CBFA2T2: variants seen among roughly 807,000 people sequenced by gnomAD.
The protein encoded by CBFA2T2 is CBFA2/RUNX1 partner transcriptional co-repressor 2, also known as protein CBFA2T2.
Under a neutral mutation model 62.2 loss-of-function variants are expected in CBFA2T2, and 11 were observed. The ratio of observed to expected loss-of-function variants is 0.18; its 90% CI spans 0.11 to 0.29. The LOEUF (loss-of-function observed/expected upper bound fraction) is 0.29. Ranked by LOEUF, CBFA2T2 falls within the 10% of genes least tolerant of loss-of-function variation. The pLI is 1.00. For missense variants in CBFA2T2, 592 were observed against 774.1 expected, an observed-to-expected ratio of 0.76 and a Z score of 2.79; for synonymous variants, 295 against 287.5, an observed-to-expected ratio of 1.03 and a Z score of -0.27.
At chr20:33,632,743 G>T (rs556527038) in intron 8 of CBFA2T2, among the ~76,000 whole-genome samples, 2 of 151,602 alleles carry the variant, frequency 1.3e-5, no homozygotes, top group South Asian at 4.2e-4. Context: ...CACCGTGCCC[G>T]GCCTCACCAG....
chr20:33,564,927 C>CT (rs2013241934), intron 1 of CBFA2T2, among the ~76,000 whole-genome samples: 1 of 151,816 alleles, frequency 6.6e-6, no homozygotes, highest in Non-Finnish European at 1.5e-5. Flanking sequence ...CTTTTCTTTT[C>CT]TTTTCTTTTT....
intron 1 of CBFA2T2, among the ~76,000 whole-genome samples, chr20:33,575,268 T>G (rs1056331679): frequency 6.6e-5 from 10 of 152,240 alleles, no homozygotes; most frequent in Non-Finnish European, 1.5e-4. Flanking sequence ...TGGTTTTTCT[T>G]GATGCCTTAA....
chr20:33,527,666 C>T (rs958690279), intron 1 of CBFA2T2, among the ~76,000 whole-genome samples: 1 of 152,024 alleles, frequency 6.6e-6, no homozygotes. Context: ...AGCCACCTCA[C>T]CCAGCCCTAA....
chr20:33,596,239 CAGTTA>C (rs137938928), intron 1 of CBFA2T2, among the ~76,000 whole-genome samples: 2,582 of 152,296 alleles, frequency 0.017, 202 homozygotes, highest in Admixed American at 0.14. Flanking sequence ...GTATCTGTCT[CAGTTA>C]AGTTCTGGGG....
chr20:33,602,249 C>G (rs980125634), intron 1 of CBFA2T2, among the ~76,000 whole-genome samples: 7 of 152,048 alleles, frequency 4.6e-5, no homozygotes, highest in African/African-American at 1.7e-4. Flanking sequence ...ATAAAGAAAA[C>G]CACTGTCACA....
At chr20:33,536,816 C>G (rs574042886) in intron 1 of CBFA2T2, among the ~76,000 whole-genome samples, 1 of 148,390 alleles carries the variant, frequency 6.7e-6, no homozygotes, top group Non-Finnish European at 1.5e-5. Flanking sequence ...GGATGGCGGC[C>G]GGGAAGAGGC....
At chr20:33,527,042 C>T (rs1018956241) in intron 1 of CBFA2T2, among the ~76,000 whole-genome samples, 3 of 152,192 alleles carry the variant, frequency 2.0e-5, no homozygotes, top group Admixed American at 6.5e-5. Context: ...ACTTTTGTTC[C>T]AGTCCTCAGC....
intron 10 of CBFA2T2, among the ~76,000 whole-genome samples, chr20:33,642,110 T>TGTGTG: frequency 1.3e-5 from 1 of 77,054 alleles, no homozygotes; most frequent in East Asian, 2.7e-4. Context: ...TTTGTCTTTT[T>TGTGTG]TTTTTTTGTG....
intron 1 of CBFA2T2, among the ~76,000 whole-genome samples, chr20:33,533,342 G>T (rs552563057): frequency 3.2e-4 from 49 of 152,250 alleles, no homozygotes; most frequent in Middle Eastern, 3.4e-3. Flanking sequence ...AGTCACTATA[G>T]ATTAGTGTGC....
intron 1 of CBFA2T2, among the ~76,000 whole-genome samples, chr20:33,568,686 T>C (rs761168502): frequency 6.6e-6 from 1 of 152,158 alleles, no homozygotes; most frequent in Non-Finnish European, 1.5e-5. Flanking sequence ...GAAATTAGCA[T>C]TAAAAACCCA....
chr20:33,547,766 G>A (rs902684620), intron 1 of CBFA2T2, among the ~76,000 whole-genome samples: 1 of 150,976 alleles, frequency 6.6e-6, no homozygotes, highest in African/African-American at 2.4e-5. Context: ...AGAAAATTAG[G>A]TGTATATTAT....
intron 1 of CBFA2T2, among the ~76,000 whole-genome samples, chr20:33,493,754 C>T (rs2011166729): frequency 6.9e-6 from 1 of 145,450 alleles, no homozygotes. Flanking sequence ...CCTCCTGCCT[C>T]AGCTTCCCGG....
chr20:33,569,626 G>A (rs1031976046), intron 1 of CBFA2T2, among the ~76,000 whole-genome samples: 3 of 152,184 alleles, frequency 2.0e-5, no homozygotes, highest in Admixed American at 2.0e-4. Flanking sequence ...TATTCTGGTA[G>A]CCTTTACAAG....
intron 2 of CBFA2T2, among the ~76,000 whole-genome samples, chr20:33,608,312 A>G (rs912225063): frequency 6.6e-6 from 1 of 152,226 alleles, no homozygotes; most frequent in East Asian, 1.9e-4. Flanking sequence ...GGAATGCCCA[A>G]AAAGTGTCAG....
At chr20:33,590,413 C>T (rs1169885755) in intron 1 of CBFA2T2, among the ~76,000 whole-genome samples, 1 of 152,026 alleles carries the variant, frequency 6.6e-6, no homozygotes, top group African/African-American at 2.4e-5. Flanking sequence ...TTGCGTTAAA[C>T]ACATCTAGCT....
intron 3 of CBFA2T2, among the ~76,000 whole-genome samples, chr20:33,619,133 G>A (rs2015829316): frequency 1.3e-5 from 2 of 152,142 alleles, no homozygotes; most frequent in Admixed American, 1.3e-4. Context: ...CCAACACTTT[G>A]GAAGGCTGAG....
chr20:33,615,418 A>T (rs184948374), intron 3 of CBFA2T2, among the ~76,000 whole-genome samples: 1 of 152,146 alleles, frequency 6.6e-6, no homozygotes, highest in Non-Finnish European at 1.5e-5. Flanking sequence ...AACATAAACA[A>T]TATACACCAA....
At chr20:33,508,314 C>A (rs1337809447) in intron 1 of CBFA2T2, among the ~76,000 whole-genome samples, 1 of 152,068 alleles carries the variant, frequency 6.6e-6, no homozygotes, top group East Asian at 1.9e-4. Context: ...AGGCTGGTGT[C>A]AAACTCCTGG....
intron 1 of CBFA2T2, among the ~76,000 whole-genome samples, chr20:33,533,624 T>C (rs1321738125): frequency 3.3e-5 from 5 of 152,142 alleles, no homozygotes; most frequent in African/African-American, 1.2e-4. Context: ...AACATTCATA[T>C]ATAAATGTTT....
Sources: gnomAD v4.1 joint callset for allele counts (sites outside exome capture counted in the v4.1 genomes callset) on GRCh38, gnomAD v4.1.1 for gene constraint, MANE v1.5 for transcripts, NCBI Gene and HGNC (gene_info 2026-07-23, HGNC 2026-07-21) for gene names.